KMT5A: variants seen among roughly 807,000 people sequenced by gnomAD.
KMT5A encodes the protein N-lysine methyltransferase KMT5A.
Under a neutral mutation model 40.6 loss-of-function variants are expected in KMT5A, and 6 were observed. That is an observed-to-expected ratio of 0.15 (90% confidence interval 0.08 to 0.29). The LOEUF is 0.29. KMT5A is among the 10% of genes least tolerant of loss of function. The probability of loss-of-function intolerance (pLI) is 1.00; values close to 1 mark genes in which losing one functional copy is unlikely to be tolerated. For synonymous variants in KMT5A, 153 were observed against 178.8 expected, an observed-to-expected ratio of 0.86 and a Z score of 1.15; for missense variants, 308 against 459.1, an observed-to-expected ratio of 0.67 and a Z score of 3.01.
At chr12:123,390,493 G>C (rs1593456822) in intron 2 of KMT5A, 137 bp from the exon 3 acceptor site, 1 of 1,029,006 alleles carries the variant, frequency 9.7e-7, no homozygotes, top group East Asian at 2.4e-5. Context: ...TGAGACAATG[G>C]GGGCTGGCAT....
chr12:123,406,480 A>G (rs1878565905), intron 7 of KMT5A, among the ~76,000 whole-genome samples: 1 of 151,968 alleles, frequency 6.6e-6, no homozygotes, highest in South Asian at 2.1e-4. Flanking sequence ...ACGCCCAGCT[A>G]ATTTTGTATT....
rs1167261391 is a variant in KMT5A at position 123,384,352 on chromosome 12, G to T, written c.10+144G>T. 8.5e-7 allele frequency: 1 copy of T among 1,176,226 alleles called. No homozygotes were observed. The highest frequency in any genetic ancestry group is 2.2e-5 in the Admixed American group (1 of 44,732). 72.9% of individuals were successfully genotyped at this position (1,176,226 alleles called of 1,614,324 possible). A position where few individuals can be genotyped will look rare whatever the true frequency, so the allele number is the denominator to read the frequency against. ...TGGGGACCCGCGTGGGGGGAGAGGG[G>T]GTGCTGCTGCGGAACCCGCCGGCCC... On this transcript the variant is annotated intron_variant, in intron 1 of 7. Coordinates refer to ENST00000402868, the MANE Select transcript of KMT5A (RefSeq NM_020382.7). The surrounding 1 kb of genome is among the most constrained non-coding windows in gnomAD (Gnocchi z 5.7).
In KMT5A at chr12:123,384,326, T is replaced by C; in HGVS notation, c.10+118T>C. ...CCTCCTCGGGTGGCTCGGGGCAAGCTTGGGGACCCGCGTGGGGGGAGAGGG... is the reference window on the plus strand; with the variant it reads ...CCTCCTCGGGTGGCTCGGGGCAAGCCTGGGGACCCGCGTGGGGGGAGAGGG... On this transcript the variant is annotated intron_variant, in intron 1 of 7. Coordinates refer to ENST00000402868, the MANE Select transcript of KMT5A (RefSeq NM_020382.7). The surrounding 1 kb of genome is among the most constrained non-coding windows in gnomAD (Gnocchi z 5.7). 2.1e-6 allele frequency: 3 copies of C among 1,416,838 alleles called. No homozygotes were observed. The highest frequency in any genetic ancestry group is 2.9e-6 in the Non-Finnish European group (3 of 1,037,594). The allele number at this position is 1,416,838 out of a possible 1,614,324, so 87.8% of individuals were successfully genotyped here.
Position 123,389,506 on chromosome 12 carries a change from C to T in KMT5A, c.84C>T (p.Gly28=). ...CGGCGGTGGCAGCGACGGCCCCGGGCCCGGAGATGGTGGAGCGGAGGGGCC... is the reference window on the plus strand; with the variant it reads ...CGGCGGTGGCAGCGACGGCCCCGGGTCCGGAGATGGTGGAGCGGAGGGGCC... ...AAAAVAATAP[G]PEMVERRGPG... Residue 28 remains glycine, a synonymous_variant, in exon 2 of 8, where the codon GGC becomes GGT. Transcript: ENST00000402868. 2.7e-6 allele frequency: 3 copies of T among 1,126,076 alleles called. No homozygotes were observed. Among genetic ancestry groups the T allele is most frequent in the Non-Finnish European group, 2.2e-6 (2 of 925,358 alleles). 69.8% of individuals were successfully genotyped at this position (1,126,076 alleles called of 1,614,324 possible).
Position 123,389,463 on chromosome 12 carries a change from AGGC to A in KMT5A, c.62_64del (p.Ala21del), listed in dbSNP as rs780061449. 1,037 of 1,084,684 alleles carry A rather than the reference AGGC, an allele frequency of 9.6e-4. No individual in the cohort carries two copies. The highest frequency in any genetic ancestry group is 5.8e-3 in the East Asian group (95 of 16,316). The allele number at this position is 1,084,684 out of a possible 1,614,324, so 67.2% of individuals were successfully genotyped here. On this transcript the variant is annotated inframe_deletion, in exon 2 of 8. Transcript: ENST00000402868. ...AAGATGTCCAAGCCCCGCGCGGTGG[AGGC>A]GGCGGCGGCGGCGGCGGCGGTGGCA...
intron 5 of KMT5A, among the ~76,000 whole-genome samples, chr12:123,398,797 G>A (rs368797333): frequency 6.6e-6 from 1 of 152,248 alleles, no homozygotes; most frequent in Non-Finnish European, 1.5e-5. Context: ...TCATCTGAAG[G>A]GTGGGGTCAG....
chr12:123,393,227 A>G (rs1333535036), intron 3 of KMT5A, among the ~76,000 whole-genome samples: 1 of 152,122 alleles, frequency 6.6e-6, no homozygotes, highest in Non-Finnish European at 1.5e-5. Context: ...TAGTTAATAT[A>G]TCATAACGTT....
rs867527779 is a variant in KMT5A at position 123,384,592 on chromosome 12, C to T, written c.10+384C>T. 6.6e-6 allele frequency among the ~76,000 whole-genome samples: 1 copy of T among 152,194 alleles called. No individual in the cohort carries two copies. Among genetic ancestry groups the T allele is most frequent in the African/African-American group, 2.4e-5 (1 of 41,444 alleles). On this transcript the variant is annotated intron_variant, in intron 1 of 7. Coordinates refer to ENST00000402868, the MANE Select transcript of KMT5A (RefSeq NM_020382.7). The surrounding 1 kb of genome is among the most constrained non-coding windows in gnomAD (Gnocchi z 5.7). ...AGTGAGGCTTCGCCCACTTTGGGGC[C>T]CTCTCTCTTTGGGAAAGGAGGTGAT...
At chr12:123,398,234 A>C (rs1212239764) in intron 5 of KMT5A, among the ~76,000 whole-genome samples, 1 of 151,796 alleles carries the variant, frequency 6.6e-6, no homozygotes, top group Non-Finnish European at 1.5e-5. Flanking sequence ...GTGAGCCGAG[A>C]TCGCGCCACC....
chr12:123,403,956 C>T (rs112581966), intron 6 of KMT5A, among the ~76,000 whole-genome samples: 43 of 152,188 alleles, frequency 2.8e-4, no homozygotes, highest in African/African-American at 1.0e-3. Flanking sequence ...ATTTTTTCAT[C>T]CTCCCAAATG....
intron 1 of KMT5A, among the ~76,000 whole-genome samples, chr12:123,385,966 C>G (rs1056861563): frequency 6.6e-6 from 1 of 152,082 alleles, no homozygotes; most frequent in Non-Finnish European, 1.5e-5. Context: ...GAAGAGGAAG[C>G]GTGAAGTCCA....
At chr12:123,395,322 C>G in intron 4 of KMT5A, 56 bp downstream of exon 4, 1 of 1,550,852 alleles carries the variant, frequency 6.4e-7, no homozygotes. Context: ...TCCTCTGATG[C>G]CAGGGAAGCC....
intron 3 of KMT5A, chr12:123,391,006 C>T (rs1877278169): frequency 3.7e-6 from 2 of 539,302 alleles, no homozygotes; most frequent in Admixed American, 6.8e-5. Flanking sequence ...GTTAGCATAT[C>T]CTTCAAGCTT....
intron 7 of KMT5A, among the ~76,000 whole-genome samples, chr12:123,406,465 C>T (rs899919038): frequency 2.6e-5 from 4 of 152,168 alleles, no homozygotes; most frequent in Non-Finnish European, 5.9e-5. Context: ...CAGGCATGCG[C>T]CACCACGCCC....
intron 5 of KMT5A, among the ~76,000 whole-genome samples, chr12:123,399,221 TC>T (rs1593468176): frequency 6.6e-6 from 1 of 152,140 alleles, no homozygotes; most frequent in African/African-American, 2.4e-5. Context: ...CTTGGGAAGG[TC>T]CCCTCCTTCC....
chr12:123,397,680 T>C (rs1471173919), intron 5 of KMT5A, among the ~76,000 whole-genome samples: 1 of 150,228 alleles, frequency 6.7e-6, no homozygotes, highest in African/African-American at 2.4e-5. Flanking sequence ...TTTTTTTTTT[T>C]TTTGAGATGG....
At chr12:123,397,928 C>T (rs984914171) in intron 5 of KMT5A, among the ~76,000 whole-genome samples, 8 of 151,478 alleles carry the variant, frequency 5.3e-5, no homozygotes, top group African/African-American at 1.9e-4. Flanking sequence ...CCACCTCAGC[C>T]TCCCAAAGTG....
At chr12:123,403,499 G>A in intron 5 of KMT5A, 74 bp from the exon 6 acceptor site, 1 of 1,551,846 alleles carries the variant, frequency 6.4e-7, no homozygotes, top group Non-Finnish European at 8.9e-7. Flanking sequence ...GGCAATCAGG[G>A]CTCAAGACCA....
Position 123,384,694 on chromosome 12 carries a change from C to T in KMT5A, c.10+486C>T, listed in dbSNP as rs1876761522. ...GTGGACACCGCAGCAGGCGCCTTTC[C>T]TCCCTCCCCACGTCCTGAGTCAGCT... On this transcript the variant is annotated intron_variant, in intron 1 of 7. Transcript: ENST00000402868. This position sits in a 1 kb window ranked among gnomAD's most constrained non-coding sequence, Gnocchi z 5.7. 1.3e-5 allele frequency among the ~76,000 whole-genome samples: 2 copies of T among 152,244 alleles called. No individual in the cohort carries two copies. The highest frequency in any genetic ancestry group is 2.9e-5 in the Non-Finnish European group (2 of 68,038).
Sources: gnomAD v4.1 joint callset for allele counts (sites outside exome capture counted in the v4.1 genomes callset) on GRCh38, gnomAD v4.1.1 for gene constraint, Gnocchi (gnomAD v3.1) non-coding constraint, MANE v1.5 for transcripts, NCBI Gene and HGNC (gene_info 2026-07-23, HGNC 2026-07-21) for gene names.